Variants in CERT1 observed in about 807,000 individuals in gnomAD.
CERT1 encodes the protein ceramide transporter 1.
A neutral mutation model predicts 87.9 loss-of-function variants in CERT1; 31 were observed. The observed-to-expected ratio is 0.35, with a 90% confidence interval of 0.27 to 0.48. CERT1 has a LOEUF of 0.48. CERT1 is among the 20% of genes least tolerant of loss of function. The pLI is 0.99. For missense variants in CERT1, 487 were observed against 758.0 expected (o/e 0.64, Z 4.20); for synonymous variants, 289 against 250.9 (o/e 1.15, Z -1.44).
intron 12 of CERT1, 59 bp downstream of exon 12, chr5:75,389,530 AATG>A (rs2112032050): frequency 2.5e-6 from 3 of 1,219,074 alleles, no homozygotes; most frequent in Non-Finnish European, 3.6e-6. Flanking sequence ...TATCAATAGT[AATG>A]ATAATATGAC....
chr5:75,440,625 T>G (rs570839866), intron 3 of CERT1, among the ~76,000 whole-genome samples: 43 of 152,222 alleles, frequency 2.8e-4, no homozygotes, highest in African/African-American at 1.0e-3. Context: ...TAAAGTGACA[T>G]GAAGCTGGAA....
intron 16 of CERT1, 46 bp downstream of exon 16, chr5:75,381,026 C>A: frequency 6.2e-7 from 1 of 1,603,628 alleles, no homozygotes; most frequent in South Asian, 1.1e-5. Context: ...AGGTCATGAT[C>A]AAGAACAGCC....
At position 75,478,050 on chromosome 5, in the gene CERT1, C is replaced by T. The variant is rs143873415; in HGVS notation, c.232-18869G>A. Among the ~76,000 whole-genome samples the T allele has an allele frequency of 1.4e-3, 218 of 152,244 alleles. 1 individual carries two copies. The highest frequency in any genetic ancestry group is 4.3e-3 in the African/African-American group (179 of 41,524). On this transcript the variant is annotated intron_variant, in intron 2 of 16. Coordinates refer to ENST00000643780, the MANE Select transcript of CERT1 (RefSeq NM_001379029.1). Reference sequence around the variant, plus strand: ...GGAAGAGGCCGGGCACAGTGACTCACGCCTGTAATCCCAGCACTTTGGGAG... The same window carrying T: ...GGAAGAGGCCGGGCACAGTGACTCATGCCTGTAATCCCAGCACTTTGGGAG...
chr5:75,368,813 T>G (rs529680824), intron 17 of CERT1: 1 of 152,184 alleles, frequency 6.6e-6, no homozygotes, highest in African/African-American at 2.4e-5. Flanking sequence ...CCACTGTAAG[T>G]TGAAAATAAA....
chr5:75,485,347 G>GAAAAAAAAAA (rs1766473772), intron 2 of CERT1, among the ~76,000 whole-genome samples: 1 of 92,258 alleles, frequency 1.1e-5, no homozygotes, highest in South Asian at 3.6e-4. Flanking sequence ...AGAACAAAAA[G>GAAAAAAAAAA]AAAGGAAAGA....
intron 2 of CERT1, among the ~76,000 whole-genome samples, chr5:75,500,553 CTCAAAGCATAAA>C (rs1767304066): frequency 6.6e-6 from 1 of 152,146 alleles, no homozygotes; most frequent in Non-Finnish European, 1.5e-5. Flanking sequence ...TTATGAGTTT[CTCAAAGCATAAA>C]TCTTAGCAGA....
chr5:75,447,164 C>T (rs193229581), intron 3 of CERT1, among the ~76,000 whole-genome samples: 67 of 152,248 alleles, frequency 4.4e-4, no homozygotes, highest in Non-Finnish European at 1.3e-4. Context: ...TGAAATTAAC[C>T]GAAATTAACA....
At chr5:75,387,166 G>A (rs984136905) in intron 12 of CERT1, among the ~76,000 whole-genome samples, 2 of 152,118 alleles carry the variant, frequency 1.3e-5, no homozygotes, top group African/African-American at 4.8e-5. Context: ...ACTGCCACCA[G>A]TCAAAAACTG....
chr5:75,511,636 C>A (rs899733261), upstream of CERT1: 4 of 1,494,434 alleles, frequency 2.7e-6, no homozygotes, highest in African/African-American at 5.5e-5. Flanking sequence ...ATTTACCCTC[C>A]CCTCCCCTGT....
At chr5:75,390,275 C>G (rs1482466126) in intron 11 of CERT1, among the ~76,000 whole-genome samples, 1 of 152,046 alleles carries the variant, frequency 6.6e-6, no homozygotes, top group African/African-American at 2.4e-5. Flanking sequence ...ACTGATAAAC[C>G]TCTCTTTTAT....
downstream of CERT1, chr5:75,374,102 C>T (rs573152762): frequency 1.8e-5 from 7 of 397,416 alleles, no homozygotes; most frequent in East Asian, 1.8e-4. Flanking sequence ...ACAGACAAGG[C>T]TATAGATCCT....
intron 2 of CERT1, among the ~76,000 whole-genome samples, chr5:75,491,089 G>T (rs1430266031): frequency 6.6e-6 from 1 of 151,972 alleles, no homozygotes; most frequent in Non-Finnish European, 1.5e-5. Flanking sequence ...TGATTTGTAT[G>T]AATTTTTCCC....
chr5:75,409,082 C>T (rs905671272), intron 8 of CERT1, among the ~76,000 whole-genome samples: 20 of 151,854 alleles, frequency 1.3e-4, no homozygotes, highest in Admixed American at 1.3e-3. Context: ...GTACAATCTT[C>T]CTATAATGAA....
chr5:75,499,694 C>T (rs933522435), intron 2 of CERT1, among the ~76,000 whole-genome samples: 12 of 152,266 alleles, frequency 7.9e-5, no homozygotes, highest in Admixed American at 1.3e-4. Context: ...TTAAGCACTT[C>T]GGAATTAAGA....
At chr5:75,368,841 A>G (rs979175914) in intron 17 of CERT1, 4 of 152,166 alleles carry the variant, frequency 2.6e-5, no homozygotes, top group African/African-American at 9.7e-5. Context: ...TGTACTTTTG[A>G]CAGAAGCACC....
chr5:75,396,401 G>C (rs562989823), intron 11 of CERT1, among the ~76,000 whole-genome samples: 13 of 152,250 alleles, frequency 8.5e-5, no homozygotes, highest in African/African-American at 2.9e-4. Flanking sequence ...CATATCAAGC[G>C]CTGTGGAGTA....
At chr5:75,495,781 AG>A (rs1217437184) in intron 2 of CERT1, among the ~76,000 whole-genome samples, 1 of 152,250 alleles carries the variant, frequency 6.6e-6, no homozygotes, top group Admixed American at 6.5e-5. Flanking sequence ...CACAAAACAT[AG>A]AAAAAAGTAA....
rs539730430 is a variant in CERT1 at position 75,440,686 on chromosome 5, A to T, written c.349-14208T>A. Among the ~76,000 whole-genome samples the T allele has an allele frequency of 3.3e-5, 5 of 152,228 alleles. No individual in the cohort carries two copies. The South Asian group carries it at 1.0e-3, about 32-fold the overall frequency. ...CCTAGTTCCTGTGTCTTAAGCAATG[A>T]CTTACCTAACTCAGGGCTAAAAAGC... is the stretch of plus-strand genomic sequence containing the variant. On this transcript the variant is annotated intron_variant, in intron 3 of 16. Coordinates refer to ENST00000643780, the MANE Select transcript of CERT1 (RefSeq NM_001379029.1).
intron 8 of CERT1, 89 bp from the exon 9 acceptor site, chr5:75,403,147 T>G (rs1762565358): frequency 3.6e-6 from 3 of 838,950 alleles, no homozygotes; most frequent in Non-Finnish European, 6.1e-6. Flanking sequence ...GTTTGAAAAT[T>G]GACCTAATAA....
Sources: allele counts gnomAD v4.1 joint callset (sites outside exome capture counted in the v4.1 genomes callset), GRCh38; gene constraint gnomAD v4.1.1; transcripts MANE v1.5; gene names NCBI Gene and HGNC (gene_info 2026-07-23, HGNC 2026-07-21).